LHPP: variants seen among roughly 807,000 people sequenced by gnomAD.
LHPP encodes the protein phospholysine phosphohistidine inorganic pyrophosphate phosphatase.
In LHPP, 24 loss-of-function variants were observed where a neutral mutation model predicts 30.3. The ratio of observed to expected loss-of-function variants is 0.79; its 90% CI spans 0.57 to 1.11. The LOEUF is 1.11. Among genes scored for constraint, LHPP ranks in the 50% most tolerant of loss-of-function variants. LHPP has a pLI of 0.00. For missense variants in LHPP, 356 were observed against 367.2 expected (o/e 0.97, Z 0.25); for synonymous variants, 150 against 157.1 (o/e 0.95, Z 0.34).
intron 6 of LHPP, among the ~76,000 whole-genome samples, chr10:124,534,259 C>T (rs562598400): frequency 1.2e-4 from 19 of 152,378 alleles, no homozygotes; most frequent in East Asian, 3.9e-4. Context: ...GTCTTTCCTC[C>T]GGTGCTGGGG....
chr10:124,562,305 T>TCAAA (rs3083576), intron 6 of LHPP, among the ~76,000 whole-genome samples: 122,587 of 150,092 alleles, frequency 0.82, 50,204 homozygotes, highest in East Asian at 0.99. Context: ...AGACCCTGTC[T>TCAAA]CAAACAAACA....
In LHPP at chr10:124,611,003, A is replaced by G. The variant is rs1158058753; in HGVS notation, c.717-2261A>G. ...TGCTGGTGGAGCGGGTGAGGGTGTT[A>G]ATGAAGCGGGTGCGGGTGAGGGTGC... On this transcript the variant is annotated intron_variant, in intron 6 of 6. Coordinates refer to ENST00000368842, the MANE Select transcript of LHPP (RefSeq NM_022126.4). Among the ~76,000 whole-genome samples the G allele has an allele frequency of 4.4e-3, 44 of 10,080 alleles. 1 individual carries two copies. Among genetic ancestry groups the G allele is most frequent in the Non-Finnish European group, 5.2e-3 (23 of 4,446 alleles). The allele number at this position is 10,080 out of a possible 152,430, so 6.6% of individuals were successfully genotyped here.
chr10:124,471,921 A>G (rs1250366846), intron 1 of LHPP, among the ~76,000 whole-genome samples: 1 of 150,612 alleles, frequency 6.6e-6, no homozygotes, highest in Non-Finnish European at 1.5e-5. Flanking sequence ...GGTGTGTGCC[A>G]CCGTGTCTAG....
intron 6 of LHPP, among the ~76,000 whole-genome samples, chr10:124,587,738 TAAAAAAAAAAAAAAAA>T (rs747954796): frequency 6.0e-4 from 32 of 53,004 alleles, no homozygotes; most frequent in African/African-American, 1.9e-3. Flanking sequence ...AGACTCCATC[TAAAAAAAAAAAAAAAA>T]AAAAAAAAAA....
At chr10:124,580,709 CTT>C (rs778114381) in intron 6 of LHPP, among the ~76,000 whole-genome samples, 3 of 109,670 alleles carry the variant, frequency 2.7e-5, no homozygotes, top group African/African-American at 1.0e-4. Context: ...AGAACATTTT[CTT>C]TTTTTTTTTC....
intron 6 of LHPP, among the ~76,000 whole-genome samples, chr10:124,598,247 C>T (rs1417856650): frequency 6.6e-5 from 10 of 152,228 alleles, no homozygotes; most frequent in Non-Finnish European, 4.4e-5. Context: ...GTCCCATCAG[C>T]CTGGAGGGGA....
chr10:124,580,239 AT>A (rs1265364401), intron 6 of LHPP, among the ~76,000 whole-genome samples: 1 of 152,186 alleles, frequency 6.6e-6, no homozygotes, highest in Non-Finnish European at 1.5e-5. Context: ...ATGGCCTCTT[AT>A]TGGGACACAG....
At chr10:124,560,755 G>C (rs781283146) in intron 6 of LHPP, among the ~76,000 whole-genome samples, 42 of 152,170 alleles carry the variant, frequency 2.8e-4, no homozygotes, top group Non-Finnish European at 4.9e-4. Flanking sequence ...AGCCCCTCTA[G>C]GGCTCTCCGG....
rs2134026234 is a variant in LHPP, at chr10:124,613,555, C to T, written c.*195C>T. ...GGCCCTGACAGCCCTGCCTTCTGCCCTCTGCCCTGCATGGGCAGGCATTTG... is the reference window on the plus strand; with the variant it reads ...GGCCCTGACAGCCCTGCCTTCTGCCTTCTGCCCTGCATGGGCAGGCATTTG... On this transcript the variant is annotated 3_prime_UTR_variant, in exon 7 of 7. Coordinates refer to ENST00000368842, the MANE Select transcript of LHPP (RefSeq NM_022126.4). The T allele has an allele frequency of 1.6e-6, 1 of 612,694 alleles. No individual in the cohort carries two copies. Among genetic ancestry groups the T allele is most frequent in the African/African-American group, 1.8e-5 (1 of 54,862 alleles). 38.0% of individuals were successfully genotyped at this position (612,694 alleles called of 1,614,324 possible).
chr10:124,580,721 CT>C (rs369288920), intron 6 of LHPP, among the ~76,000 whole-genome samples: 57 of 75,716 alleles, frequency 7.5e-4, no homozygotes, highest in East Asian at 1.7e-3. Flanking sequence ...TTTTTTTTTT[CT>C]TTTTTTTTTT....
chr10:124,597,017 C>G (rs1325105102), intron 6 of LHPP, among the ~76,000 whole-genome samples: 2 of 152,156 alleles, frequency 1.3e-5, no homozygotes, highest in Non-Finnish European at 2.9e-5. Context: ...GGTGGGAAGA[C>G]TTTGTTTGCT....
chr10:124,529,498 T>C (rs1413161576), intron 6 of LHPP, among the ~76,000 whole-genome samples: 1 of 152,164 alleles, frequency 6.6e-6, no homozygotes, highest in Non-Finnish European at 1.5e-5. Flanking sequence ...CAGCCAGCCC[T>C]GTCAGTGGCA....
intron 6 of LHPP, among the ~76,000 whole-genome samples, chr10:124,551,202 G>T (rs988341186): frequency 1.3e-5 from 2 of 152,146 alleles, no homozygotes; most frequent in African/African-American, 4.8e-5. Flanking sequence ...CAGAGACTGC[G>T]CAGAAGGAGG....
intron 3 of LHPP, among the ~76,000 whole-genome samples, chr10:124,492,560 C>T (rs34580395): frequency 0.15 from 23,395 of 152,112 alleles, 2,224 homozygotes; most frequent in Non-Finnish European, 0.2. Flanking sequence ...ACCCACATTG[C>T]GGAAGGGAAT....
At chr10:124,491,231 G>T (rs1197730622) in intron 3 of LHPP, among the ~76,000 whole-genome samples, 1 of 152,246 alleles carries the variant, frequency 6.6e-6, no homozygotes, top group Non-Finnish European at 1.5e-5. Flanking sequence ...GTCTACCTCA[G>T]CATCTCATGA....
chr10:124,596,630 G>T lies in LHPP; in HGVS notation c.717-16634G>T, dbSNP rs987945273. On this transcript the variant is annotated intron_variant, in intron 6 of 6. Coordinates refer to ENST00000368842, the MANE Select transcript of LHPP (RefSeq NM_022126.4). The surrounding 1 kb of genome is among the most constrained non-coding windows in gnomAD (Gnocchi z 4.6). ...TTTTCTTGGAACAAGAGCCCTAAAC[G>T]TGGGACCCTAAACAACACCCAGGGA... Among the ~76,000 whole-genome samples the T allele has an allele frequency of 6.6e-6, 1 of 152,162 alleles. No individual in the cohort carries two copies. The highest frequency in any genetic ancestry group is 2.4e-5 in the African/African-American group (1 of 41,432).
At chr10:124,497,560 C>T (rs954692774) in intron 4 of LHPP, among the ~76,000 whole-genome samples, 3 of 152,226 alleles carry the variant, frequency 2.0e-5, no homozygotes, top group Non-Finnish European at 2.9e-5. Context: ...CATTAGCTGC[C>T]CCAGGTCAGC....
At position 124,471,506 on chromosome 10, in the gene LHPP, AT is replaced by A. The variant is rs71929610; in HGVS notation, c.125+9521del. 8.0e-4 allele frequency among the ~76,000 whole-genome samples: 3 copies of A among 3,740 alleles called. 1 individual carries two copies. Among genetic ancestry groups the A allele is most frequent in the Non-Finnish European group, 3.7e-3 (3 of 810 alleles). The allele number at this position is 3,740 out of a possible 152,430, so 2.5% of individuals were successfully genotyped here. On this transcript the variant is annotated intron_variant, in intron 1 of 6. Coordinates refer to ENST00000368842, the MANE Select transcript of LHPP (RefSeq NM_022126.4). ...TTTATATATTTATATATATTTATAT[AT>A]TATATATATTTATATATTTATATAT... is the stretch of plus-strand genomic sequence containing the variant.
intron 5 of LHPP, among the ~76,000 whole-genome samples, chr10:124,499,515 C>T (rs1009430539): frequency 6.6e-6 from 1 of 151,798 alleles, no homozygotes; most frequent in Admixed American, 6.6e-5. Flanking sequence ...ATTAGCTGGG[C>T]GAGGTGGTGC....
Sources: allele counts gnomAD v4.1 joint callset (sites outside exome capture counted in the v4.1 genomes callset), GRCh38; gene constraint gnomAD v4.1.1; non-coding constraint Gnocchi (gnomAD v3.1); transcripts MANE v1.5; gene names NCBI Gene and HGNC (gene_info 2026-07-23, HGNC 2026-07-21).